CDS2: variants seen among roughly 807,000 people sequenced by gnomAD.
The protein encoded by CDS2 is CDP-diacylglycerol synthase 2, also known as phosphatidate cytidylyltransferase 2.
A neutral mutation model predicts 59.0 loss-of-function variants in CDS2; 47 were observed. The observed-to-expected ratio is 0.80, with a 90% confidence interval of 0.63 to 1.02. The LOEUF is 1.02. Among genes scored for constraint, CDS2 ranks in the 50% least tolerant of loss-of-function variants. CDS2 has a pLI of 0.00. For synonymous variants in CDS2, 207 were observed against 206.4 expected (o/e 1.00, Z -0.02); for missense variants, 356 against 558.9 (o/e 0.64, Z 3.66).
rs911053095 is a variant in CDS2 at position 5,191,426 on chromosome 20, C to G, written c.*1192C>G. The G allele has an allele frequency of 2.6e-5, 4 of 152,084 alleles. No homozygotes were observed. The highest frequency in any genetic ancestry group is 9.7e-5 in the African/African-American group (4 of 41,408). The allele number at this position is 152,084 out of a possible 1,614,324, so 9.4% of individuals were successfully genotyped here. On this transcript the variant is annotated 3_prime_UTR_variant, in exon 13 of 13. Coordinates refer to ENST00000460006, the MANE Select transcript of CDS2 (RefSeq NM_003818.4). ...TGCTTAAACTGTGATTTTTTTTCCC[C>G]TCCCTAATTTCAGGGGTGAGATTGA...
intron 1 of CDS2, among the ~76,000 whole-genome samples, chr20:5,146,689 C>G (rs149656730): frequency 2.0e-5 from 3 of 152,268 alleles, no homozygotes; most frequent in African/African-American, 7.2e-5. Flanking sequence ...TAACCTGTTT[C>G]TTTAAACCAT....
intron 1 of CDS2, among the ~76,000 whole-genome samples, chr20:5,172,294 C>G (rs1171128879): frequency 6.6e-6 from 1 of 152,180 alleles, no homozygotes; most frequent in Non-Finnish European, 1.5e-5. Context: ...GAGAGCAAAT[C>G]ACTGGGGTGT....
chr20:5,182,617 G>T (rs2295509), intron 6 of CDS2, among the ~76,000 whole-genome samples, 172 bp downstream of exon 6: 2 of 152,064 alleles, frequency 1.3e-5, no homozygotes, highest in African/African-American at 4.8e-5. Context: ...ATGGCTCTAC[G>T]TTGACTTAGA....
intron 1 of CDS2, among the ~76,000 whole-genome samples, chr20:5,144,786 T>C (rs1371243391): frequency 6.6e-6 from 1 of 152,206 alleles, no homozygotes; most frequent in Non-Finnish European, 1.5e-5. Context: ...CGTGTATGTC[T>C]TCCCAGGAAA....
intron 1 of CDS2, among the ~76,000 whole-genome samples, chr20:5,145,247 C>CCCG (rs1160401736): frequency 7.6e-5 from 9 of 118,598 alleles, no homozygotes; most frequent in Non-Finnish European, 1.4e-4. Context: ...CCCCCCCCCC[C>CCCG]GCCCCCGCCA....
Position 5,190,541 on chromosome 20 carries a change from T to G in CDS2, c.*307T>G, listed in dbSNP as rs541002269. On this transcript the variant is annotated 3_prime_UTR_variant, in exon 13 of 13. Coordinates refer to ENST00000460006, the MANE Select transcript of CDS2 (RefSeq NM_003818.4). ...GACAGTGTTGCCCAGGTCAGGAGTG[T>G]TTTCTTGGTGGTTCCAGCCCCCATC... 1 of 202,714 alleles carries G rather than the reference T, an allele frequency of 4.9e-6. No homozygotes were observed. Among genetic ancestry groups the G allele is most frequent in the South Asian group, 1.5e-4 (1 of 6,802 alleles). 12.6% of individuals were successfully genotyped at this position (202,714 alleles called of 1,614,324 possible). A position where few individuals can be genotyped will look rare whatever the true frequency, so the allele number is the denominator to read the frequency against.
chr20:5,129,055 G>A (rs1216700149), intron 1 of CDS2, among the ~76,000 whole-genome samples: 1 of 152,140 alleles, frequency 6.6e-6, no homozygotes, highest in Non-Finnish European at 1.5e-5. Flanking sequence ...TTTAGACTGG[G>A]AGGACCTGAG....
rs2091166246 is a variant in CDS2, at chr20:5,197,376, A to C, written c.*7142A>C. ...GCTTTGGGGAGCTGTCTGTGCTGGGAGTGCCAGGCATCCCATGGGACCCAT... is the reference window on the plus strand; with the variant it reads ...GCTTTGGGGAGCTGTCTGTGCTGGGCGTGCCAGGCATCCCATGGGACCCAT... On this transcript the variant is annotated 3_prime_UTR_variant, in exon 13 of 13. Coordinates refer to ENST00000460006, the MANE Select transcript of CDS2 (RefSeq NM_003818.4). 1 of 151,662 alleles carries C rather than the reference A, an allele frequency of 6.6e-6. No homozygotes were observed. Among genetic ancestry groups the C allele is most frequent in the Non-Finnish European group, 1.5e-5 (1 of 67,948 alleles). The allele number at this position is 151,662 out of a possible 1,614,324, so 9.4% of individuals were successfully genotyped here.
chr20:5,148,040 C>T (rs2090758226), intron 1 of CDS2, among the ~76,000 whole-genome samples: 1 of 152,046 alleles, frequency 6.6e-6, no homozygotes, highest in Non-Finnish European at 1.5e-5. Flanking sequence ...CTCACTGCAA[C>T]CTCTAAGAGC....
rs914952185 is a variant in CDS2, at chr20:5,190,929, T to C, written c.*695T>C. 2.0e-5 allele frequency: 3 copies of C among 152,664 alleles called. No homozygotes were observed. The highest frequency in any genetic ancestry group is 7.2e-5 in the African/African-American group (3 of 41,440). 9.5% of individuals were successfully genotyped at this position (152,664 alleles called of 1,614,324 possible). ...AAAAAACACACTGTAATATTTCAAG[T>C]GTATGCAGTAGAATGTACTGTAACT... On this transcript the variant is annotated 3_prime_UTR_variant, in exon 13 of 13. Transcript: ENST00000460006.
chr20:5,142,907 G>A (rs1433691173), intron 1 of CDS2, among the ~76,000 whole-genome samples: 1 of 152,094 alleles, frequency 6.6e-6, no homozygotes, highest in Non-Finnish European at 1.5e-5. Flanking sequence ...CGGTTGGAGT[G>A]CAGTGGCTCA....
chr20:5,145,684 C>G (rs1363253995), intron 1 of CDS2, among the ~76,000 whole-genome samples: 1 of 152,120 alleles, frequency 6.6e-6, no homozygotes, highest in South Asian at 2.1e-4. Context: ...ATGCCTGTCC[C>G]CTGCTGTTTC....
chr20:5,189,414 T>C (rs2091095649), intron 11 of CDS2, among the ~76,000 whole-genome samples: 1 of 152,170 alleles, frequency 6.6e-6, no homozygotes, highest in Non-Finnish European at 1.5e-5. Flanking sequence ...CAAAAGAACA[T>C]TTTGGGCCAG....
chr20:5,135,087 T>TTA (rs2090638025), intron 1 of CDS2, among the ~76,000 whole-genome samples: 1 of 152,168 alleles, frequency 6.6e-6, no homozygotes, highest in East Asian at 1.9e-4. Context: ...TTTTTTGAAT[T>TTA]TATATATATA....
intron 1 of CDS2, among the ~76,000 whole-genome samples, chr20:5,135,378 C>T (rs920668892): frequency 6.6e-6 from 1 of 152,194 alleles, no homozygotes; most frequent in Non-Finnish European, 1.5e-5. Context: ...AAGCTACATT[C>T]TATGTTGTTA....
intron 1 of CDS2, among the ~76,000 whole-genome samples, chr20:5,136,535 ATCTG>A (rs1261533708): frequency 2.0e-5 from 3 of 152,046 alleles, no homozygotes; most frequent in African/African-American, 7.2e-5. Context: ...TGGAATCCTT[ATCTG>A]TCTTTTACTC....
At chr20:5,149,518 C>T (rs1448206864) in intron 1 of CDS2, among the ~76,000 whole-genome samples, 1 of 151,924 alleles carries the variant, frequency 6.6e-6, no homozygotes, top group Non-Finnish European at 1.5e-5. Context: ...CTTAGAAGGG[C>T]CTTAGTCCTC....
intron 1 of CDS2, among the ~76,000 whole-genome samples, chr20:5,139,594 G>A (rs929598904): frequency 6.6e-6 from 1 of 152,080 alleles, no homozygotes; most frequent in African/African-American, 2.4e-5. Flanking sequence ...CCAATACTAT[G>A]TTGAATAAGA....
At chr20:5,133,408 G>A (rs1372214401) in intron 1 of CDS2, among the ~76,000 whole-genome samples, 1 of 151,996 alleles carries the variant, frequency 6.6e-6, no homozygotes, top group African/African-American at 2.4e-5. Flanking sequence ...CTGAGCCATG[G>A]CACCCGGCTT....
Sources: allele counts gnomAD v4.1 joint callset (sites outside exome capture counted in the v4.1 genomes callset), GRCh38; gene constraint gnomAD v4.1.1; transcripts MANE v1.5; gene names NCBI Gene and HGNC (gene_info 2026-07-23, HGNC 2026-07-21).